The following CTNNA3 variants were observed in gnomAD, a reference collection of about 807,000 sequenced individuals.
CTNNA3 encodes the protein catenin alpha-3.
CTNNA3 carries 76 observed loss-of-function variants against 95.7 expected under a neutral mutation model. The observed-to-expected ratio is 0.79, with a 90% CI of 0.66 to 0.96. CTNNA3 has a LOEUF of 0.96. CTNNA3 is among the 40% of genes least tolerant of loss of function. The pLI, the probability that CTNNA3 is intolerant of heterozygous loss-of-function variation, is 0.00. For synonymous variants in CTNNA3, 431 were observed against 374.4 expected, an observed-to-expected ratio of 1.15 and a Z score of -1.74; for missense variants, 1,191 against 1,089.8, an observed-to-expected ratio of 1.09 and a Z score of -1.31.
At chr10:66,598,048 A>T (rs2132249728) in intron 10 of CTNNA3, among the ~76,000 whole-genome samples, 1 of 152,180 alleles carries the variant, frequency 6.6e-6, no homozygotes. Context: ...ACCAAATTTA[A>T]TAGCACATTA....
chr10:67,052,400 C>T (rs773468271), intron 7 of CTNNA3, among the ~76,000 whole-genome samples: 2 of 151,436 alleles, frequency 1.3e-5, no homozygotes, highest in African/African-American at 4.9e-5. Context: ...ATTCCATGGG[C>T]TTCACTAGGC....
chr10:66,752,345 T>C (rs573757301), intron 9 of CTNNA3, among the ~76,000 whole-genome samples: 1 of 152,146 alleles, frequency 6.6e-6, no homozygotes, highest in Non-Finnish European at 1.5e-5. Context: ...AGACAAATGA[T>C]AATCTTTTCA....
intron 7 of CTNNA3, among the ~76,000 whole-genome samples, chr10:67,063,412 C>G (rs935393883): frequency 3.3e-5 from 5 of 152,114 alleles, no homozygotes; most frequent in African/African-American, 1.2e-4. Context: ...GGGTCTCAAT[C>G]AGGAGTTAAA....
At chr10:67,102,631 G>A (rs1336169945) in intron 7 of CTNNA3, among the ~76,000 whole-genome samples, 1 of 151,746 alleles carries the variant, frequency 6.6e-6, no homozygotes, top group Non-Finnish European at 1.5e-5. Flanking sequence ...GAAAAGGTGA[G>A]TGAAAATTTA....
chr10:67,484,676 C>T (rs1848376469), intron 5 of CTNNA3, among the ~76,000 whole-genome samples: 1 of 152,084 alleles, frequency 6.6e-6, no homozygotes, highest in Non-Finnish European at 1.5e-5. Context: ...AGAAGACATA[C>T]AGGTGGCCAA....
In CTNNA3 at chr10:67,410,382, G is replaced by A. The variant is rs118077321; in HGVS notation, c.579+111460C>T. On this transcript the variant is annotated intron_variant, in intron 5 of 17. Coordinates refer to ENST00000433211, the MANE Select transcript of CTNNA3 (RefSeq NM_013266.4). ...CAAGGGGTGAGAGGAGGGAGAGGATGAGGAAGAATAGCTAGTGGATGCTGG... is the reference window on the plus strand; with the variant it reads ...CAAGGGGTGAGAGGAGGGAGAGGATAAGGAAGAATAGCTAGTGGATGCTGG... Among the ~76,000 whole-genome samples the A allele has an allele frequency of 7.6e-3, 1,149 of 152,168 alleles. 8 individuals carry two copies. The highest frequency in any genetic ancestry group is 0.011 in the Non-Finnish European group (773 of 67,964).
chr10:67,061,574 G>T (rs976154789), intron 7 of CTNNA3, among the ~76,000 whole-genome samples: 2 of 152,126 alleles, frequency 1.3e-5, no homozygotes, highest in Non-Finnish European at 2.9e-5. Context: ...GAATATAAGG[G>T]CCAATAGGAA....
chr10:66,717,390 G>A (rs1206650622), intron 9 of CTNNA3, among the ~76,000 whole-genome samples: 4 of 152,064 alleles, frequency 2.6e-5, no homozygotes, highest in South Asian at 2.1e-4. Context: ...GACAAACCAC[G>A]GTTTCTAGAA....
At chr10:67,216,219 C>CA (rs1340942899) in intron 6 of CTNNA3, among the ~76,000 whole-genome samples, 1 of 152,048 alleles carries the variant, frequency 6.6e-6, no homozygotes, top group Non-Finnish European at 1.5e-5. Context: ...TAGTAAAAGA[C>CA]AGAGTATCTT....
intron 2 of CTNNA3, among the ~76,000 whole-genome samples, chr10:67,644,444 T>C (rs1020457479): frequency 5.9e-5 from 9 of 152,070 alleles, no homozygotes; most frequent in African/African-American, 2.2e-4. Flanking sequence ...ATAAACACTT[T>C]TTGAAAAACA....
intron 1 of CTNNA3, among the ~76,000 whole-genome samples, chr10:67,706,416 C>A (rs555531412): frequency 1.3e-4 from 19 of 151,996 alleles, no homozygotes; most frequent in African/African-American, 3.4e-4. Context: ...AAAAAAAAAT[C>A]TCTTAGAAAA....
At chr10:67,366,663 T>C (rs1164137541) in intron 5 of CTNNA3, among the ~76,000 whole-genome samples, 3 of 150,538 alleles carry the variant, frequency 2.0e-5, no homozygotes, top group African/African-American at 7.3e-5. Flanking sequence ...AAAAGACACA[T>C]AGATTAATGG....
intron 5 of CTNNA3, among the ~76,000 whole-genome samples, chr10:67,312,205 T>G (rs1433352156): frequency 6.6e-6 from 1 of 151,922 alleles, no homozygotes; most frequent in African/African-American, 2.4e-5. Context: ...TGCAAGTAGC[T>G]GGGATTACAG....
chr10:66,169,444 C>T (rs1224456208), intron 13 of CTNNA3, among the ~76,000 whole-genome samples: 1 of 152,096 alleles, frequency 6.6e-6, no homozygotes. Context: ...GGGCTGGTTC[C>T]ACATTTTTGC....
intron 13 of CTNNA3, among the ~76,000 whole-genome samples, chr10:66,188,881 C>T (rs2086492599): frequency 6.6e-6 from 1 of 151,932 alleles, no homozygotes; most frequent in Admixed American, 6.6e-5. Context: ...TCCACATCCT[C>T]ACCAACACTT....
At chr10:67,309,456 G>GA (rs1840693578) in intron 5 of CTNNA3, among the ~76,000 whole-genome samples, 1 of 152,124 alleles carries the variant, frequency 6.6e-6, no homozygotes, top group South Asian at 2.1e-4. Flanking sequence ...GAATTAAGGA[G>GA]AAAAAATGAT....
intron 7 of CTNNA3, among the ~76,000 whole-genome samples, chr10:66,862,823 T>C (rs1261767023): frequency 1.3e-5 from 2 of 152,156 alleles, no homozygotes; most frequent in East Asian, 1.9e-4. Context: ...AATATTTGAA[T>C]TGGTAGATTG....
intron 11 of CTNNA3, among the ~76,000 whole-genome samples, chr10:66,438,291 TGCTC>T (rs2093351819): frequency 1.3e-5 from 2 of 152,172 alleles, no homozygotes; most frequent in African/African-American, 4.8e-5. Context: ...GGTGAAGCTG[TGCTC>T]ACAGCTGCCC....
At chr10:66,371,897 CA>C (rs1443016913) in intron 12 of CTNNA3, among the ~76,000 whole-genome samples, 1 of 152,060 alleles carries the variant, frequency 6.6e-6, no homozygotes, top group Non-Finnish European at 1.5e-5. Context: ...GCAAGTGAGG[CA>C]AAAGCAGGGA....
Sources: gnomAD v4.1 joint callset for allele counts (sites outside exome capture counted in the v4.1 genomes callset) on GRCh38, gnomAD v4.1.1 for gene constraint, MANE v1.5 for transcripts, NCBI Gene and HGNC (gene_info 2026-07-23, HGNC 2026-07-21) for gene names.